Variants in TRIM3 observed in about 807,000 individuals in gnomAD.
TRIM3 encodes the protein tripartite motif-containing protein 3.
Under a neutral mutation model 66.6 loss-of-function variants are expected in TRIM3, and 13 were observed. The ratio of observed to expected loss-of-function variants is 0.20; its 90% CI spans 0.13 to 0.31. TRIM3 has a LOEUF of 0.31. Ranked by LOEUF, TRIM3 falls within the 10% of genes least tolerant of loss-of-function variation. The pLI is 1.00. For missense variants in TRIM3, 711 were observed against 1,020.4 expected, an observed-to-expected ratio of 0.70 and a Z score of 4.13; for synonymous variants, 406 against 411.7, an observed-to-expected ratio of 0.99 and a Z score of 0.17.
At chr11:6,473,478 C>T (rs975040364) in intron 1 of TRIM3, among the ~76,000 whole-genome samples, 1 of 151,818 alleles carries the variant, frequency 6.6e-6, no homozygotes, top group Non-Finnish European at 1.5e-5. Flanking sequence ...ACTCAGCACG[C>T]ACCACCACCA....
intron 1 of TRIM3, among the ~76,000 whole-genome samples, chr11:6,472,421 A>G (rs552795993): frequency 1.3e-4 from 15 of 113,492 alleles, no homozygotes; most frequent in African/African-American, 5.1e-4. Context: ...CCTCCCCTCC[A>G]CACTCCCCCT....
rs749406224 is a variant in TRIM3, at chr11:6,457,380, C to T, written c.612G>A (p.Ala204=). Residue 204 remains alanine (A), a synonymous_variant, in exon 5 of 12, where the codon GCG becomes GCA. Transcript: ENST00000345851. The surrounding 1 kb of genome is among the most constrained non-coding windows in gnomAD (Gnocchi z 4.5). Reference sequence around the variant, plus strand: ...GCAGTGCTTGCTCCAGGTCCTCGAACGCTGCACTGATCTGGGCCAGGGCCT... The same window carrying T: ...GCAGTGCTTGCTCCAGGTCCTCGAATGCTGCACTGATCTGGGCCAGGGCCT... ...KAEALAQISA[A]FEDLEQALQQ... The T allele has an allele frequency of 3.0e-5, 49 of 1,613,910 alleles. No individual in the cohort carries two copies. Among genetic ancestry groups the T allele is most frequent in the East Asian group, 4.5e-5 (2 of 44,882 alleles).
rs556725006 is a variant in TRIM3 at position 6,450,443 on chromosome 11, T to G, written c.1941+108A>C. 1 of 974,906 alleles carries G rather than the reference T, an allele frequency of 1.0e-6. No homozygotes were observed. The highest frequency in any genetic ancestry group is 2.4e-5 in the East Asian group (1 of 41,244). The allele number at this position is 974,906 out of a possible 1,614,324, so 60.4% of individuals were successfully genotyped here. ...CATAAATGTGTAAATGTGTATTGTTTGAGTGAATGATCTCAAAGGGGAAAA... is the reference window on the plus strand; with the variant it reads ...CATAAATGTGTAAATGTGTATTGTTGGAGTGAATGATCTCAAAGGGGAAAA... On this transcript the variant is annotated intron_variant, in intron 10 of 11. Transcript: ENST00000345851. This position sits in a 1 kb window ranked among gnomAD's most constrained non-coding sequence, Gnocchi z 4.8.
In TRIM3 at chr11:6,457,615, A is replaced by G; in HGVS notation, c.515+81T>C. 6.4e-7 allele frequency: 1 copy of G among 1,561,448 alleles called. No individual in the cohort carries two copies. The highest frequency in any genetic ancestry group is 1.3e-5 in the African/African-American group (1 of 74,202). On this transcript the variant is annotated intron_variant, in intron 4 of 11. Transcript: ENST00000345851. This position sits in a 1 kb window ranked among gnomAD's most constrained non-coding sequence, Gnocchi z 4.5. Reference sequence around the variant, plus strand: ...TGAGACTTCCATCTCTGCCCTTCCCAGACCCTTTATTCCCCTCCCCGCCCG... The same window carrying G: ...TGAGACTTCCATCTCTGCCCTTCCCGGACCCTTTATTCCCCTCCCCGCCCG...
chr11:6,454,833 C>G (rs751732845), intron 7 of TRIM3, among the ~76,000 whole-genome samples: 7 of 152,116 alleles, frequency 4.6e-5, no homozygotes, highest in Non-Finnish European at 1.0e-4. Flanking sequence ...CTTAGCAGAG[C>G]TGGATCGATG....
intron 1 of TRIM3, among the ~76,000 whole-genome samples, chr11:6,468,582 G>A (rs1850559326): frequency 6.6e-6 from 1 of 152,160 alleles, no homozygotes; most frequent in Non-Finnish European, 1.5e-5. Context: ...ACAGAACAGT[G>A]CAAGAAAAAG....
At position 6,456,934 on chromosome 11, in the gene TRIM3, G is replaced by A. The variant is rs755470661; in HGVS notation, c.792C>T (p.Ala264=). ...GCTTGCGCACCAGCAACACCTCCGG[G>A]GCCGAGCCCAGGCGCAGTGCCTGCT... The part of the protein sequence containing the change: ...FAEQALRLGS[A]PEVLLVRKHM... The change falls in exon 6 of 12, where the codon GCC becomes GCT. Residue 264 remains alanine (A), a synonymous_variant. Transcript: ENST00000345851. The surrounding 1 kb of genome is among the most constrained non-coding windows in gnomAD (Gnocchi z 6.4). 2 of 1,610,852 alleles carry A rather than the reference G, an allele frequency of 1.2e-6. No individual in the cohort carries two copies. Among genetic ancestry groups the A allele is most frequent in the Admixed American group, 3.3e-5 (2 of 60,024 alleles).
chr11:6,461,757 T>C (rs1850250595), intron 2 of TRIM3, among the ~76,000 whole-genome samples: 1 of 152,198 alleles, frequency 6.6e-6, no homozygotes, highest in African/African-American at 2.4e-5. Flanking sequence ...TGGCTCACGA[T>C]AGCTTCCTAA....
Position 6,458,371 on chromosome 11 carries a change from G to T in TRIM3, c.132-75C>A, listed in dbSNP as rs1850086025. On this transcript the variant is annotated intron_variant, in intron 2 of 11. Transcript: ENST00000345851. This position sits in a 1 kb window ranked among gnomAD's most constrained non-coding sequence, Gnocchi z 6.2. ...GCACCCTTCCTTATACTTCCCATGG[G>T]TGCCAACCCCTTCCCTCACAGGTGT... is the stretch of plus-strand genomic sequence containing the variant. 2.4e-6 allele frequency: 3 copies of T among 1,248,464 alleles called. No individual in the cohort carries two copies. Among genetic ancestry groups the T allele is most frequent in the South Asian group, 1.4e-5 (1 of 73,204 alleles). The allele number at this position is 1,248,464 out of a possible 1,614,324, so 77.3% of individuals were successfully genotyped here. A position where few individuals can be genotyped will look rare whatever the true frequency, so the allele number is the denominator to read the frequency against.
chr11:6,449,022 G>A lies in TRIM3; in HGVS notation c.*6C>T. 1 of 1,614,030 alleles carries A rather than the reference G, an allele frequency of 6.2e-7. No individual in the cohort carries two copies. Reference sequence around the variant, plus strand: ...CCTCCACAAGCCAGGCAGGGCCTCTGTACAGCTACTGGAGGTAGCGATAGG... The same window carrying A: ...CCTCCACAAGCCAGGCAGGGCCTCTATACAGCTACTGGAGGTAGCGATAGG... On this transcript the variant is annotated 3_prime_UTR_variant, in exon 12 of 12. Coordinates refer to ENST00000345851, the MANE Select transcript of TRIM3 (RefSeq NM_033278.4). The surrounding 1 kb of genome is among the most constrained non-coding windows in gnomAD (Gnocchi z 5.3).
Position 6,456,016 on chromosome 11 carries a change from C to G in TRIM3, c.1533+56G>C. 1 of 1,524,650 alleles carries G rather than the reference C, an allele frequency of 6.6e-7. No individual in the cohort carries two copies. The highest frequency in any genetic ancestry group is 9.1e-7 in the Non-Finnish European group (1 of 1,099,310). The allele number at this position is 1,524,650 out of a possible 1,614,324, so 94.4% of individuals were successfully genotyped here. A position where few individuals can be genotyped will look rare whatever the true frequency, so the allele number is the denominator to read the frequency against. On this transcript the variant is annotated intron_variant, in intron 7 of 11. Coordinates refer to ENST00000345851, the MANE Select transcript of TRIM3 (RefSeq NM_033278.4). This position sits in a 1 kb window ranked among gnomAD's most constrained non-coding sequence, Gnocchi z 6.4. ...CCTGTACATTCTATCTTTTCAGTAG[C>G]CTGTAGCTTGAAAACTCTTATTTTG... is the stretch of plus-strand genomic sequence containing the variant.
At chr11:6,466,907 T>C (rs942973762) in intron 1 of TRIM3, among the ~76,000 whole-genome samples, 2 of 152,218 alleles carry the variant, frequency 1.3e-5, no homozygotes, top group African/African-American at 4.8e-5. Flanking sequence ...TGCAGTGTTA[T>C]TGAGGATAGG....
At chr11:6,460,466 G>A (rs1423247362) in intron 2 of TRIM3, among the ~76,000 whole-genome samples, 3 of 152,138 alleles carry the variant, frequency 2.0e-5, no homozygotes, top group Admixed American at 6.6e-5. Context: ...AAAACTGAGA[G>A]GAGAAGATCT....
chr11:6,452,239 C>T (rs1306740885), intron 7 of TRIM3: 1 of 152,290 alleles, frequency 6.6e-6, no homozygotes, highest in East Asian at 1.9e-4. Flanking sequence ...TCTCCCTTCT[C>T]CAACCTCCTC....
rs566077674 is a variant in TRIM3 at position 6,448,875 on chromosome 11, G to A, written c.*153C>T. ...AACCGAATAAATAAAGTGCAACCGT[G>A]GGGGTGGGGGTAGGAGAGGGAGGGC... On this transcript the variant is annotated 3_prime_UTR_variant, in exon 12 of 12. Coordinates refer to ENST00000345851, the MANE Select transcript of TRIM3 (RefSeq NM_033278.4). 9 of 881,016 alleles carry A rather than the reference G, an allele frequency of 1.0e-5. No homozygotes were observed. In the Admixed American group the frequency reaches 1.7e-4, roughly 17 times the overall value. 54.6% of individuals were successfully genotyped at this position (881,016 alleles called of 1,614,324 possible).
At chr11:6,463,704 G>C (rs999413384) in intron 2 of TRIM3, among the ~76,000 whole-genome samples, 1 of 152,220 alleles carries the variant, frequency 6.6e-6, no homozygotes, top group Non-Finnish European at 1.5e-5. Context: ...GGAGCCAGGA[G>C]TGGAACGTTG....
chr11:6,473,989 G>A (rs1317467778), upstream of TRIM3: 1 of 151,498 alleles, frequency 6.6e-6, no homozygotes, highest in African/African-American at 2.4e-5. Flanking sequence ...CGGGGGAGGG[G>A]GTGACTCCAG....
At chr11:6,451,651 G>A (rs977831740) in intron 7 of TRIM3, 3 of 572,980 alleles carry the variant, frequency 5.2e-6, no homozygotes, top group African/African-American at 3.8e-5. Context: ...GGGATGAAGG[G>A]GAATGGTGAG....
At chr11:6,465,462 T>G (rs966887854) in intron 2 of TRIM3, 103 bp downstream of exon 2, 1 of 1,439,446 alleles carries the variant, frequency 6.9e-7, no homozygotes, top group African/African-American at 1.4e-5. Flanking sequence ...TTGCCTCACC[T>G]ACTACAGGTT....
Sources: allele counts gnomAD v4.1 joint callset (sites outside exome capture counted in the v4.1 genomes callset), GRCh38; gene constraint gnomAD v4.1.1; non-coding constraint Gnocchi (gnomAD v3.1); transcripts MANE v1.5; gene names NCBI Gene and HGNC (gene_info 2026-07-23, HGNC 2026-07-21).